The following ELN variants were observed in gnomAD, a reference collection of about 807,000 sequenced individuals.
ELN encodes elastin.
ELN carries 65 observed loss-of-function variants against 105.8 expected under a neutral mutation model. The observed-to-expected ratio is 0.61, with a 90% confidence interval of 0.50 to 0.75. The LOEUF (loss-of-function observed/expected upper bound fraction) is 0.75, where lower values mean the gene tolerates loss of function less well. ELN is among the 30% of genes least tolerant of loss of function. The probability of loss-of-function intolerance (pLI) is 0.00; values close to 1 mark genes in which losing one functional copy is unlikely to be tolerated. For synonymous variants in ELN, 368 were observed against 389.2 expected (o/e 0.95, Z 0.64); for missense variants, 882 against 969.4 (o/e 0.91, Z 1.20).
chr7:74,060,271 G>A, intron 24 of ELN, 87 bp downstream of exon 24: 1 of 1,613,904 alleles, frequency 6.2e-7, no homozygotes, highest in Non-Finnish European at 8.5e-7. Context: ...CCGCTGCTTG[G>A]ATCTGGGCCC....
At chr7:74,055,777 G>A (rs1300900304) in intron 19 of ELN, among the ~76,000 whole-genome samples, 8 of 148,244 alleles carry the variant, frequency 5.4e-5, no homozygotes, top group South Asian at 2.1e-4. Flanking sequence ...CACTGCACCC[G>A]GCCAAAAAAA....
At chr7:74,042,462 T>C (rs1791452200) in intron 5 of ELN, 152 bp from the exon 6 acceptor site, 3 of 678,552 alleles carry the variant, frequency 4.4e-6, no homozygotes, top group Non-Finnish European at 7.7e-6. Context: ...TGAGCAGTGC[T>C]CACATGGATG....
chr7:74,043,370 C>T (rs1225660361), intron 8 of ELN: 17 of 814,204 alleles, frequency 2.1e-5, no homozygotes, highest in Middle Eastern at 3.4e-4. Flanking sequence ...GCCCTTCTCC[C>T]GGGATCTTGG....
At chr7:74,041,150 G>A in intron 4 of ELN, 66 bp from the exon 5 acceptor site, 3 of 1,610,296 alleles carry the variant, frequency 1.9e-6, no homozygotes, top group South Asian at 2.2e-5. Flanking sequence ...CCTAACTCCA[G>A]GAGACATTTC....
Position 74,063,342 on chromosome 7 carries a change from A to G in ELN, c.1891A>G (p.Lys631Glu). 1 of 1,550,014 alleles carries G rather than the reference A, an allele frequency of 6.5e-7. No homozygotes were observed. The highest frequency in any genetic ancestry group is 8.7e-7 in the Non-Finnish European group (1 of 1,148,042). Residue 631 changes from lysine (K) to glutamate (E), a missense_variant, in exon 28 of 33, where the codon AAA (lysine) becomes GAA (glutamate). Transcript: ENST00000252034. The surrounding 1 kb of genome is among the most constrained non-coding windows in gnomAD (Gnocchi z 4.1). ...ACCCGCCGCCGCCGCTGCCGCAGCC[A>G]AAGCTGCTGCCAAAGCCGCCCAGTT... is the stretch of plus-strand genomic sequence containing the variant. Reference protein sequence around the residue: ...AGPAAAAAAAKAAAKAAQFGL... With the variant: ...AGPAAAAAAAEAAAKAAQFGL...
At chr7:74,053,747 G>A (rs1794645267) in intron 18 of ELN, among the ~76,000 whole-genome samples, 1 of 151,336 alleles carries the variant, frequency 6.6e-6, no homozygotes, top group African/African-American at 2.4e-5. Context: ...TGGATGGGTG[G>A]ATGGGTGGGT....
In ELN at chr7:74,041,247, G is replaced by A. The variant is rs1554668314; in HGVS notation, c.228G>A (p.Gly76=). 5.6e-6 allele frequency: 9 copies of A among 1,613,872 alleles called. No individual in the cohort carries two copies. The highest frequency in any genetic ancestry group is 6.8e-6 in the Non-Finnish European group (8 of 1,179,910). ...GAGGGCTTGCGGGTGCTGGCCTTGG[G>A]GCAGGTGAGTGCTGACACCCAAGAA... ...VPGGLAGAGL[G]AGLGAFPAVT... The change falls in exon 5 of 33, where the codon GGG becomes GGA. Residue 76 remains glycine (G), a synonymous_variant. Transcript: ENST00000252034.
intron 10 of ELN, 114 bp from the exon 11 acceptor site, chr7:74,046,074 G>GC: frequency 7.1e-7 from 1 of 1,415,464 alleles, no homozygotes; most frequent in Non-Finnish European, 1.0e-6. Flanking sequence ...AGCGCAGCAT[G>GC]CGATGACTGG....
intron 15 of ELN, 108 bp downstream of exon 15, chr7:74,048,664 A>G: frequency 7.3e-7 from 1 of 1,366,360 alleles, no homozygotes; most frequent in South Asian, 1.2e-5. Context: ...ACCCCCATTT[A>G]CTCAAAATTT....
Position 74,063,185 on chromosome 7 carries a change from G to C in ELN, c.1819G>C (p.Gly607Arg), listed in dbSNP as rs781963804. 1.2e-5 allele frequency: 20 copies of C among 1,609,492 alleles called. No individual in the cohort carries two copies. The East Asian group carries it at 4.2e-4, about 34-fold the overall frequency. Reference protein sequence around the residue: ...AAVPGVLGGLGALGGVGIPGG... With the variant: ...AAVPGVLGGLRALGGVGIPGG... ...AGTGCCTGGGGTCCTTGGAGGGCTC[G>C]GGGCTCTCGGTGGAGTAGGCATCCC... Residue 607 changes from glycine to arginine, a missense_variant, in exon 27 of 33, where the codon GGG becomes CGG. Gly to Arg is a moderately radical substitution (Grantham distance 125, BLOSUM62 -2). Coordinates refer to ENST00000252034, the MANE Select transcript of ELN (RefSeq NM_000501.4). The surrounding 1 kb of genome is among the most constrained non-coding windows in gnomAD (Gnocchi z 4.1).
At chr7:74,042,892 G>T in intron 6 of ELN, 92 bp from the exon 7 acceptor site, 1 of 1,606,168 alleles carries the variant, frequency 6.2e-7, no homozygotes, top group South Asian at 1.1e-5. Flanking sequence ...AACGGGGCCA[G>T]ACCTCAATGC....
At chr7:74,043,296 GA>G (rs1791678342) in intron 8 of ELN, 128 bp downstream of exon 8, 7 of 1,379,230 alleles carry the variant, frequency 5.1e-6, no homozygotes, top group Non-Finnish European at 6.0e-6. Flanking sequence ...GTCGGGCAGA[GA>G]AACTAGCCAG....
chr7:74,038,048 G>A (rs1000828535), intron 4 of ELN: 1 of 416,486 alleles, frequency 2.4e-6, no homozygotes, highest in Non-Finnish European at 4.5e-6. Flanking sequence ...GCAAAGGAGA[G>A]GCTGTTAGAG....
chr7:74,033,951 G>T (rs188578220), intron 1 of ELN, among the ~76,000 whole-genome samples: 13 of 152,312 alleles, frequency 8.5e-5, no homozygotes, highest in African/African-American at 2.9e-4. Context: ...TTGCCATGGC[G>T]ATGGCTCAGG....
In ELN at chr7:74,065,681, C is replaced by T. The variant is rs532271061; in HGVS notation, c.1994-13C>T. ...TTGGCATTCCTGAGCCGTCATGTGCCTCATCTCCCCAGGTATACCTCCAGC... is the reference window on the plus strand; with the variant it reads ...TTGGCATTCCTGAGCCGTCATGTGCTTCATCTCCCCAGGTATACCTCCAGC... On this transcript the variant is annotated splice_polypyrimidine_tract_variant and intron_variant, in intron 29 of 32. Coordinates refer to ENST00000252034, the MANE Select transcript of ELN (RefSeq NM_000501.4). 86 of 1,613,804 alleles carry T rather than the reference C, an allele frequency of 5.3e-5. No individual in the cohort carries two copies. The highest frequency in any genetic ancestry group is 8.3e-5 in the Admixed American group (5 of 59,980).
chr7:74,068,808 C>G lies in ELN; in HGVS notation c.*108C>G. Reference sequence around the variant, plus strand: ...CCCATGCCCCTCCGACTCCCCACCCCAGGAGGGAACGGGCAGGCCGGGCGG... The same window carrying G: ...CCCATGCCCCTCCGACTCCCCACCCGAGGAGGGAACGGGCAGGCCGGGCGG... On this transcript the variant is annotated 3_prime_UTR_variant, in exon 33 of 33. Coordinates refer to ENST00000252034, the MANE Select transcript of ELN (RefSeq NM_000501.4). 7.1e-7 allele frequency: 1 copy of G among 1,408,366 alleles called. No homozygotes were observed. Among genetic ancestry groups the G allele is most frequent in the Non-Finnish European group, 1.0e-6 (1 of 996,268 alleles). 87.2% of individuals were successfully genotyped at this position (1,408,366 alleles called of 1,614,324 possible). A position where few individuals can be genotyped will look rare whatever the true frequency, so the allele number is the denominator to read the frequency against.
chr7:74,053,137 G>C (rs1794464457), intron 17 of ELN, 26 bp from the exon 18 acceptor site: 2 of 1,614,006 alleles, frequency 1.2e-6, no homozygotes, highest in South Asian at 1.1e-5. Context: ...CCATAGGTTA[G>C]GGGAACAATG....
chr7:74,061,532 A>G (rs1335973101), intron 26 of ELN, among the ~76,000 whole-genome samples: 1 of 152,070 alleles, frequency 6.6e-6, no homozygotes, highest in South Asian at 2.1e-4. Flanking sequence ...GGCACCTGTA[A>G]TCCCAGCTAC....
At position 74,037,655 on chromosome 7, in the gene ELN, G is replaced by A. The variant is rs2131263429; in HGVS notation, c.164-52G>A. The A allele has an allele frequency of 4.4e-6, 7 of 1,597,228 alleles. No individual in the cohort carries two copies. The South Asian group carries it at 7.9e-5, about 18-fold the overall frequency. ...GCCCGGGTTGGGGGTTGGATAAGTA[G>A]TAGATGGATAAGCTGGGCCACCCCA... On this transcript the variant is annotated intron_variant, in intron 3 of 32. Transcript: ENST00000252034.
Sources: allele counts gnomAD v4.1 joint callset (sites outside exome capture counted in the v4.1 genomes callset), GRCh38; gene constraint gnomAD v4.1.1; non-coding constraint Gnocchi (gnomAD v3.1); transcripts MANE v1.5; gene names NCBI Gene and HGNC (gene_info 2026-07-23, HGNC 2026-07-21).